The following GRK2 variants were observed in gnomAD, a reference collection of about 807,000 sequenced individuals.
GRK2 encodes adrenergic beta receptor kinase 1.
GRK2 carries 23 observed loss-of-function variants against 97.8 expected under a neutral mutation model. The ratio of observed to expected loss-of-function variants is 0.24; its 90% CI spans 0.17 to 0.33. GRK2 has a LOEUF of 0.33. GRK2 is among the 10% of genes least tolerant of loss of function. The probability of loss-of-function intolerance (pLI) is 1.00; values close to 1 mark genes in which losing one functional copy is unlikely to be tolerated. For missense variants in GRK2, 633 were observed against 956.9 expected, an observed-to-expected ratio of 0.66 and a Z score of 4.47; for synonymous variants, 425 against 381.7, an observed-to-expected ratio of 1.11 and a Z score of -1.32.
In GRK2 at chr11:67,281,290, T is replaced by G; in HGVS notation, c.647+106T>G. The G allele has an allele frequency of 8.8e-7, 1 of 1,135,902 alleles. No homozygotes were observed. The highest frequency in any genetic ancestry group is 1.3e-6 in the Non-Finnish European group (1 of 778,130). The allele number at this position is 1,135,902 out of a possible 1,614,324, so 70.4% of individuals were successfully genotyped here. A position where few individuals can be genotyped will look rare whatever the true frequency, so the allele number is the denominator to read the frequency against. On this transcript the variant is annotated intron_variant, in intron 8 of 20. Coordinates refer to ENST00000308595, the MANE Select transcript of GRK2 (RefSeq NM_001619.5). This position sits in a 1 kb window ranked among gnomAD's most constrained non-coding sequence, Gnocchi z 5.7. ...GGCCACCTGCTGCTCCATGCACTCCTGTCTTGCCGTGCTGTTACCCCCGCA... is the reference window on the plus strand; with the variant it reads ...GGCCACCTGCTGCTCCATGCACTCCGGTCTTGCCGTGCTGTTACCCCCGCA...
intron 2 of GRK2, among the ~76,000 whole-genome samples, chr11:67,278,965 G>A (rs533905195): frequency 4.6e-5 from 7 of 152,316 alleles, no homozygotes; most frequent in Admixed American, 2.6e-4. Flanking sequence ...CTACCACCTG[G>A]GGAAACAGAT....
At chr11:67,279,577 G>A (rs1432158666) in intron 4 of GRK2, 49 bp from the exon 5 acceptor site, 2 of 1,612,464 alleles carry the variant, frequency 1.2e-6, no homozygotes, top group Admixed American at 1.7e-5. Flanking sequence ...GATTGGGAGG[G>A]GAAGAGAGGA....
chr11:67,275,752 G>A (rs114649669), intron 1 of GRK2, among the ~76,000 whole-genome samples: 2,795 of 152,272 alleles, frequency 0.018, 83 homozygotes, highest in African/African-American at 0.064. Context: ...CCCTGGCTTC[G>A]CCAGCTGCCG....
At chr11:67,284,184 T>C in intron 17 of GRK2, 27 bp from the exon 18 acceptor site, 1 of 1,612,756 alleles carries the variant, frequency 6.2e-7, no homozygotes, top group Non-Finnish European at 8.5e-7. Context: ...TCCACCCATG[T>C]GCCCCTGCCC....
In GRK2 at chr11:67,276,707, C is replaced by CCT. The variant is rs2136496314; in HGVS notation, c.114-559_114-558dup. 6.6e-6 allele frequency: 1 copy of CCT among 152,520 alleles called. No individual in the cohort carries two copies. The highest frequency in any genetic ancestry group is 1.5e-5 in the Non-Finnish European group (1 of 68,126). The allele number at this position is 152,520 out of a possible 1,614,324, so 9.4% of individuals were successfully genotyped here. A position where few individuals can be genotyped will look rare whatever the true frequency, so the allele number is the denominator to read the frequency against. ...CGTCCCCACCGCAGTCACTCCTCTCCCTCTCTCCAGCCCCCGGCAGCCACG... is the reference window on the plus strand; with the variant it reads ...CGTCCCCACCGCAGTCACTCCTCTCCCTCTCTCTCCAGCCCCCGGCAGCCACG... On this transcript the variant is annotated intron_variant, in intron 1 of 20. Coordinates refer to ENST00000308595, the MANE Select transcript of GRK2 (RefSeq NM_001619.5). This position sits in a 1 kb window ranked among gnomAD's most constrained non-coding sequence, Gnocchi z 4.2.
rs767876981 is a variant in GRK2, at chr11:67,281,205, G to A, written c.647+21G>A. The A allele has an allele frequency of 2.2e-5, 35 of 1,600,732 alleles. No individual in the cohort carries two copies. The highest frequency in any genetic ancestry group is 1.1e-4 in the South Asian group (10 of 90,256). On this transcript the variant is annotated intron_variant, in intron 8 of 20. Coordinates refer to ENST00000308595, the MANE Select transcript of GRK2 (RefSeq NM_001619.5). This position sits in a 1 kb window ranked among gnomAD's most constrained non-coding sequence, Gnocchi z 5.7. ...AAGATGTGAGCACCCTGCTCGGCGC[G>A]GTGGGATACCTCGGGGAGCCGGGCT...
chr11:67,270,878 C>G (rs1455543923), intron 1 of GRK2: 1 of 152,236 alleles, frequency 6.6e-6, no homozygotes, highest in South Asian at 2.1e-4. Context: ...TGCAGGGGAA[C>G]CTGGGCTGTT....
chr11:67,284,394 C>T (rs751792972), intron 18 of GRK2, 21 bp downstream of exon 18: 52 of 1,609,072 alleles, frequency 3.2e-5, no homozygotes, highest in Admixed American at 1.2e-4. Flanking sequence ...CCGGCTGCTG[C>T]GGCACCAGGC....
intron 1 of GRK2, chr11:67,270,795 A>G (rs941861451): frequency 2.0e-5 from 3 of 152,206 alleles, no homozygotes; most frequent in Non-Finnish European, 4.4e-5. Flanking sequence ...CTTATTTGCC[A>G]TTAAGTCGCC....
intron 18 of GRK2, 116 bp from the exon 19 acceptor site, chr11:67,284,731 G>A: frequency 7.2e-7 from 1 of 1,381,786 alleles, no homozygotes; most frequent in East Asian, 2.5e-5. Context: ...GGAGGTTGCA[G>A]TGAGCCAAGA....
At chr11:67,279,591 T>C (rs376451291) in intron 4 of GRK2, 35 bp from the exon 5 acceptor site, 1 of 1,612,916 alleles carries the variant, frequency 6.2e-7, no homozygotes, top group Non-Finnish European at 8.5e-7. Flanking sequence ...GAGAGGACCC[T>C]GCTGAGAATT....
Position 67,285,102 on chromosome 11 carries a change from C to A in GRK2, c.1819C>A (p.Gln607Lys), listed in dbSNP as rs1329353654. The change falls in exon 20 of 21, where the codon CAG becomes AAG. Residue 607 changes from glutamine to lysine, a missense_variant. Transcript: ENST00000308595. ...GAGCCTGCTGACCATGGAGGAGATCCAGTCGGTGGAGGAGACGCAGATCAA... is the reference window on the plus strand; with the variant it reads ...GAGCCTGCTGACCATGGAGGAGATCAAGTCGGTGGAGGAGACGCAGATCAA... ...PQSLLTMEEI[Q>K]SVEETQIKER... The A allele has an allele frequency of 6.2e-7, 1 of 1,613,362 alleles. No individual in the cohort carries two copies. Among genetic ancestry groups the A allele is most frequent in the African/African-American group, 1.3e-5 (1 of 74,940 alleles).
chr11:67,271,862 ACTTC>A (rs1406819275), intron 1 of GRK2, among the ~76,000 whole-genome samples: 2 of 152,104 alleles, frequency 1.3e-5, no homozygotes, highest in Admixed American at 1.3e-4. Flanking sequence ...GCCCCAGGGG[ACTTC>A]CTTCTGCTGC....
Position 67,285,445 on chromosome 11 carries a change from C to A in GRK2, c.2065C>A (p.Leu689Ile). The A allele has an allele frequency of 6.5e-7, 1 of 1,546,152 alleles. No individual in the cohort carries two copies. The highest frequency in any genetic ancestry group is 8.7e-7 in the Non-Finnish European group (1 of 1,147,786). Reference sequence around the variant, plus strand: ...GGTCCAGCGCGGCAGTGCCAACGGCCTCTGACCCGCCCACCCGCCTTTTAT... The same window carrying A: ...GGTCCAGCGCGGCAGTGCCAACGGCATCTGACCCGCCCACCCGCCTTTTAT... ...PLVQRGSANG[L>I] Residue 689 changes from leucine to isoleucine, a missense_variant, in exon 21 of 21, where the codon CTC becomes ATC. By Grantham distance (5) the Leu-to-Ile change is conservative. This residue lies in a region of GRK2 where 180 missense variants were observed against 311.3 expected (regional missense o/e 0.58). Transcript: ENST00000308595.
intron 2 of GRK2, 25 bp downstream of exon 2, chr11:67,277,373 G>GC: frequency 6.2e-7 from 1 of 1,600,094 alleles, no homozygotes. Context: ...GGCTCTGCCA[G>GC]CCACCGGACT....
chr11:67,277,895 C>G (rs2136497864), intron 2 of GRK2, among the ~76,000 whole-genome samples: 2 of 152,356 alleles, frequency 1.3e-5, no homozygotes, highest in African/African-American at 4.8e-5. Flanking sequence ...CAGGCTCCAG[C>G]CCCACATGGC....
Position 67,285,406 on chromosome 11 carries a change from A to T in GRK2, c.2026A>T (p.Ser676Cys), listed in dbSNP as rs749400608. ...GCCGCGCTCGCCCGTGGTGGAGCTG[A>T]GCAAGGTGCCGCTGGTCCAGCGCGG... ...NKPRSPVVEL[S>C]KVPLVQRGSA... The change falls in exon 21 of 21, where the codon AGC (serine) becomes TGC (cysteine). Residue 676 changes from serine (S) to cysteine (C), a missense_variant. Physicochemically the swap from Ser to Cys is moderately radical, Grantham distance 112. Transcript: ENST00000308595. The T allele has an allele frequency of 1.9e-6, 3 of 1,604,782 alleles. No individual in the cohort carries two copies. In the Admixed American group the frequency reaches 5.0e-5, roughly 27 times the overall value.
Position 67,285,881 on chromosome 11 carries a change from C to T in GRK2, c.*431C>T, listed in dbSNP as rs1210107317. 2.7e-5 allele frequency: 6 copies of T among 224,550 alleles called. No individual in the cohort carries two copies. The highest frequency in any genetic ancestry group is 7.4e-5 in the South Asian group (1 of 13,440). The allele number at this position is 224,550 out of a possible 1,614,324, so 13.9% of individuals were successfully genotyped here. A position where few individuals can be genotyped will look rare whatever the true frequency, so the allele number is the denominator to read the frequency against. On this transcript the variant is annotated 3_prime_UTR_variant, in exon 21 of 21. Transcript: ENST00000308595. The stretch of plus-strand genomic sequence containing the variant: ...TGCACCCCCTCCTGCTGCAGAGGGG[C>T]AGGCCCTGCACTGTCCTGCTCCACA...
At chr11:67,279,958 G>A in intron 6 of GRK2, 58 bp downstream of exon 6, 2 of 1,560,830 alleles carry the variant, frequency 1.3e-6, no homozygotes, top group South Asian at 1.1e-5. Context: ...CTCAGAAGGG[G>A]TATGGCTGGC....
Sources: gnomAD v4.1 joint callset for allele counts (sites outside exome capture counted in the v4.1 genomes callset) on GRCh38, gnomAD v4.1.1 for gene constraint, gnomAD v4.1.1 regional missense constraint, Gnocchi (gnomAD v3.1) non-coding constraint, MANE v1.5 for transcripts, NCBI Gene and HGNC (gene_info 2026-07-23, HGNC 2026-07-21) for gene names.